TYR: variants seen among roughly 807,000 people sequenced by gnomAD.
TYR encodes LB24-AB.
In TYR, 58 loss-of-function variants were observed where a neutral mutation model predicts 51.5. The ratio of observed to expected loss-of-function variants is 1.13; its 90% CI spans 0.91 to 1.40. The LOEUF is 1.40. Among genes scored for constraint, TYR ranks in the 40% most tolerant of loss-of-function variants. The pLI, the probability that TYR is intolerant of heterozygous loss-of-function variation, is 0.00. For synonymous variants in TYR, 263 were observed against 235.2 expected (o/e 1.12, Z -1.08); for missense variants, 732 against 647.4 (o/e 1.13, Z -1.42).
chr11:89,251,050 G>A (rs1944326144), intron 3 of TYR, among the ~76,000 whole-genome samples: 1 of 151,840 alleles, frequency 6.6e-6, no homozygotes, highest in African/African-American at 2.4e-5. Flanking sequence ...ACAGGTGACT[G>A]AATCTATAGT....
At chr11:89,218,306 T>TA (rs1943862340) in intron 2 of TYR, among the ~76,000 whole-genome samples, 1 of 152,164 alleles carries the variant, frequency 6.6e-6, no homozygotes, top group African/African-American at 2.4e-5. Flanking sequence ...GTTTATTGAT[T>TA]AAAAAACATT....
intron 3 of TYR, among the ~76,000 whole-genome samples, chr11:89,245,696 G>A (rs192174042): frequency 6.6e-6 from 1 of 152,150 alleles, no homozygotes; most frequent in Non-Finnish European, 1.5e-5. Flanking sequence ...GCCAAGGCGG[G>A]CGGATTATGA....
chr11:89,242,598 G>C (rs1318022326), intron 3 of TYR, among the ~76,000 whole-genome samples: 1 of 152,164 alleles, frequency 6.6e-6, no homozygotes, highest in African/African-American at 2.4e-5. Context: ...AAACTAGAGA[G>C]CTCTATTCTG....
chr11:89,197,721 C>A (rs1269218358), intron 2 of TYR, among the ~76,000 whole-genome samples: 1 of 151,932 alleles, frequency 6.6e-6, no homozygotes, highest in Non-Finnish European at 1.5e-5. Context: ...TATACAGAAT[C>A]AGAAGCTCTC....
intron 3 of TYR, among the ~76,000 whole-genome samples, chr11:89,251,435 A>G (rs1944329579): frequency 1.3e-5 from 2 of 151,878 alleles, no homozygotes; most frequent in African/African-American, 4.8e-5. Context: ...TTTTATCCTA[A>G]AGTAAAGCAT....
chr11:89,193,160 A>G (rs775908776), intron 2 of TYR, among the ~76,000 whole-genome samples: 11 of 152,232 alleles, frequency 7.2e-5, no homozygotes, highest in Middle Eastern at 3.2e-3. Context: ...AACAGTACTC[A>G]GAATGCTGAT....
chr11:89,234,981 A>G (rs1293792882), intron 3 of TYR, among the ~76,000 whole-genome samples: 1 of 152,144 alleles, frequency 6.6e-6, no homozygotes, highest in African/African-American at 2.4e-5. Flanking sequence ...TTGTAAAAAA[A>G]AAAAAAATGC....
At chr11:89,215,312 A>G (rs1943817232) in intron 2 of TYR, among the ~76,000 whole-genome samples, 1 of 144,766 alleles carries the variant, frequency 6.9e-6, no homozygotes, top group African/African-American at 2.5e-5. Flanking sequence ...GTTCTCACTC[A>G]TAAGTGGGAG....
intron 3 of TYR, among the ~76,000 whole-genome samples, chr11:89,246,441 G>T (rs1944268654): frequency 6.6e-6 from 1 of 151,890 alleles, no homozygotes; most frequent in Admixed American, 6.6e-5. Flanking sequence ...AAGTATAAGG[G>T]GCTTAAAAAA....
rs553309309 is a variant in TYR, at chr11:89,267,886, T to C, written c.1185-16887T>C. Among the ~76,000 whole-genome samples, 6 of 152,050 alleles carry C rather than the reference T, an allele frequency of 3.9e-5. No homozygotes were observed. The South Asian group carries it at 1.2e-3, about 32-fold the overall frequency. Reference sequence around the variant, plus strand: ...CTGGAAAGTGCCAAGTACAAAAGACTCAGGTTTGATTCCTACTGCTCCATT... The same window carrying C: ...CTGGAAAGTGCCAAGTACAAAAGACCCAGGTTTGATTCCTACTGCTCCATT... On this transcript the variant is annotated intron_variant, in intron 3 of 4. Transcript: ENST00000263321.
chr11:89,217,069 T>C (rs544435101), intron 2 of TYR, among the ~76,000 whole-genome samples: 3 of 152,286 alleles, frequency 2.0e-5, no homozygotes, highest in South Asian at 4.1e-4. Flanking sequence ...TTTTGTAAAG[T>C]ATTTAAAACA....
At chr11:89,185,565 G>A (rs553492022) in intron 1 of TYR, among the ~76,000 whole-genome samples, 2 of 152,180 alleles carry the variant, frequency 1.3e-5, no homozygotes, top group Admixed American at 6.5e-5. Flanking sequence ...TATAAGGGAC[G>A]TAACAATCAT....
At chr11:89,236,097 C>T (rs1944108755) in intron 3 of TYR, among the ~76,000 whole-genome samples, 2 of 151,972 alleles carry the variant, frequency 1.3e-5, no homozygotes, top group Admixed American at 6.6e-5. Context: ...TGCTTTCGGG[C>T]TACAATGTCA....
intron 2 of TYR, among the ~76,000 whole-genome samples, chr11:89,219,269 G>A (rs1287110612): frequency 6.7e-6 from 1 of 149,840 alleles, no homozygotes; most frequent in African/African-American, 2.5e-5. Flanking sequence ...TATCCAAAGT[G>A]TAAAGAGCAG....
chr11:89,211,936 A>G (rs1434444629), intron 2 of TYR, among the ~76,000 whole-genome samples: 2 of 152,238 alleles, frequency 1.3e-5, no homozygotes, highest in African/African-American at 4.8e-5. Context: ...TCTCTGGGAC[A>G]CATTTAAAGC....
At chr11:89,282,825 A>G (rs575210723) in intron 3 of TYR, among the ~76,000 whole-genome samples, 5 of 151,920 alleles carry the variant, frequency 3.3e-5, no homozygotes, top group South Asian at 4.1e-4. Context: ...TTTCTAAAAC[A>G]GCATATGTTA....
At chr11:89,240,497 C>A (rs1207159478) in intron 3 of TYR, among the ~76,000 whole-genome samples, 2 of 151,672 alleles carry the variant, frequency 1.3e-5, no homozygotes, top group African/African-American at 2.4e-5. Flanking sequence ...AAAATTAGTT[C>A]TTTTTGTCAT....
At chr11:89,265,148 T>G (rs1256113731) in intron 3 of TYR, among the ~76,000 whole-genome samples, 1 of 151,968 alleles carries the variant, frequency 6.6e-6, no homozygotes, top group Non-Finnish European at 1.5e-5. Context: ...AAATGATAAA[T>G]TGGACCCTCA....
chr11:89,201,982 G>A (rs868349282), intron 2 of TYR, among the ~76,000 whole-genome samples: 12 of 152,066 alleles, frequency 7.9e-5, no homozygotes, highest in African/African-American at 2.4e-4. Flanking sequence ...GGCTAACAAC[G>A]TACATTATCA....
Sources: allele counts gnomAD v4.1 joint callset (sites outside exome capture counted in the v4.1 genomes callset), GRCh38; gene constraint gnomAD v4.1.1; transcripts MANE v1.5; gene names NCBI Gene and HGNC (gene_info 2026-07-23, HGNC 2026-07-21).